The following DISP1 variants were observed in gnomAD, a reference collection of about 807,000 sequenced individuals.
DISP1 encodes protein dispatched homolog 1.
DISP1 carries 30 observed loss-of-function variants against 37.3 expected under a neutral mutation model. The observed-to-expected ratio is 0.80, with a 90% CI of 0.60 to 1.09. The LOEUF (loss-of-function observed/expected upper bound fraction) is 1.09. Among genes scored for constraint, DISP1 ranks in the 50% least tolerant of loss-of-function variants. DISP1 has a pLI of 0.00. For synonymous variants in DISP1, 634 were observed against 690.2 expected, an observed-to-expected ratio of 0.92 and a Z score of 1.28; for missense variants, 1,598 against 1,879.5, an observed-to-expected ratio of 0.85 and a Z score of 2.77.
chr1:222,858,552 A>T (rs1397663905), intron 1 of DISP1, among the ~76,000 whole-genome samples: 1 of 152,168 alleles, frequency 6.6e-6, no homozygotes, highest in African/African-American at 2.4e-5. Context: ...CAACCTGTAG[A>T]ATGGGAAAAA....
chr1:222,884,203 T>C, intron 1 of DISP1, among the ~76,000 whole-genome samples: 1 of 152,156 alleles, frequency 6.6e-6, no homozygotes, highest in East Asian at 1.9e-4. Flanking sequence ...TATTTTGAAA[T>C]AATTTTAAAC....
intron 1 of DISP1, among the ~76,000 whole-genome samples, chr1:222,874,635 T>C (rs1669843517): frequency 1.3e-5 from 2 of 152,200 alleles, no homozygotes; most frequent in African/African-American, 2.4e-5. Flanking sequence ...CTTCTCTGCA[T>C]TGGTTATTCT....
intron 4 of DISP1, among the ~76,000 whole-genome samples, chr1:222,984,411 A>AT (rs1372786064): frequency 3.9e-5 from 2 of 51,230 alleles, no homozygotes; most frequent in East Asian, 8.4e-4. Context: ...CTCAAAAAAA[A>AT]AAAAAAAAAA....
At chr1:222,948,753 C>T (rs563606355) in intron 3 of DISP1, among the ~76,000 whole-genome samples, 6 of 152,176 alleles carry the variant, frequency 3.9e-5, no homozygotes, top group Non-Finnish European at 4.4e-5. Context: ...AAACATTGAC[C>T]GCCTTAGAGT....
intron 1 of DISP1, among the ~76,000 whole-genome samples, chr1:222,855,530 G>A (rs1668500203): frequency 6.6e-6 from 1 of 152,094 alleles, no homozygotes; most frequent in African/African-American, 2.4e-5. Context: ...CATGGAAATC[G>A]TTATTATATA....
intron 1 of DISP1, among the ~76,000 whole-genome samples, chr1:222,862,525 GTTT>G (rs33987832): frequency 1.6e-4 from 21 of 129,218 alleles, no homozygotes; most frequent in South Asian, 2.5e-4. Context: ...TGTCTCAATA[GTTT>G]TTTTTTTTTT....
At chr1:222,968,495 T>C (rs568450839) in intron 3 of DISP1, among the ~76,000 whole-genome samples, 3 of 152,150 alleles carry the variant, frequency 2.0e-5, no homozygotes, top group African/African-American at 4.8e-5. Flanking sequence ...CTATAGCCCA[T>C]ACCAAGATGA....
chr1:222,989,999 T>C (rs1678576734), intron 4 of DISP1, among the ~76,000 whole-genome samples: 1 of 152,128 alleles, frequency 6.6e-6, no homozygotes, highest in African/African-American at 2.4e-5. Context: ...AGACAGGGTT[T>C]CACCGTGTTA....
At chr1:222,826,437 G>A (rs1180843877) in intron 1 of DISP1, among the ~76,000 whole-genome samples, 1 of 141,012 alleles carries the variant, frequency 7.1e-6, no homozygotes, top group Non-Finnish European at 1.5e-5. Context: ...CTGGAGTGCA[G>A]TGGCATGATT....
rs542611624 is a variant in DISP1, at chr1:222,888,974, T to C, written c.-158-39456T>C. 2.5e-4 allele frequency among the ~76,000 whole-genome samples: 38 copies of C among 152,120 alleles called. 1 individual carries two copies. Among genetic ancestry groups the C allele is most frequent in the African/African-American group, 9.2e-4 (38 of 41,444 alleles). On this transcript the variant is annotated intron_variant, in intron 1 of 8. Coordinates refer to ENST00000675850, the MANE Select transcript of DISP1 (RefSeq NM_001377229.1). ...CATAGTGATGTTTCTATACATATAATGTATAGTGATCAATCTGATTACTTG... is the reference window on the plus strand; with the variant it reads ...CATAGTGATGTTTCTATACATATAACGTATAGTGATCAATCTGATTACTTG...
intron 3 of DISP1, chr1:222,979,687 A>G (rs1166447770): frequency 4.2e-6 from 2 of 470,778 alleles, no homozygotes; most frequent in South Asian, 3.1e-5. Flanking sequence ...CTGAAAGCCC[A>G]GTCTGTGTAA....
At chr1:222,974,871 T>C (rs1009713295) in intron 3 of DISP1, among the ~76,000 whole-genome samples, 1 of 152,234 alleles carries the variant, frequency 6.6e-6, no homozygotes, top group African/African-American at 2.4e-5. Flanking sequence ...TTTTAAAGAA[T>C]GCTCATCAAA....
chr1:222,900,236 C>T (rs910354446), intron 1 of DISP1, among the ~76,000 whole-genome samples: 5 of 152,140 alleles, frequency 3.3e-5, no homozygotes, highest in Admixed American at 2.6e-4. Flanking sequence ...CTATCACTTT[C>T]TCATTGTATG....
chr1:222,877,862 GCAGGATGGTCCAACCCAAGAGAA>G (rs1670051591), intron 1 of DISP1, among the ~76,000 whole-genome samples: 1 of 152,174 alleles, frequency 6.6e-6, no homozygotes, highest in South Asian at 2.1e-4. Flanking sequence ...AGAAGGGAGG[GCAGGATGGTCCAACCCAAGAGAA>G]CAGCCCTGAT....
intron 1 of DISP1, among the ~76,000 whole-genome samples, chr1:222,898,902 G>A (rs931994558): frequency 6.6e-6 from 1 of 151,978 alleles, no homozygotes; most frequent in African/African-American, 2.4e-5. Flanking sequence ...ATATACTTGG[G>A]CCCTAATCTG....
chr1:222,916,969 A>G (rs1672525369), intron 1 of DISP1, among the ~76,000 whole-genome samples: 1 of 152,192 alleles, frequency 6.6e-6, no homozygotes, highest in Non-Finnish European at 1.5e-5. Flanking sequence ...TGCCGCCCAG[A>G]AGGAATGCTG....
At chr1:222,917,964 C>A (rs546915779) in intron 1 of DISP1, among the ~76,000 whole-genome samples, 36 of 152,150 alleles carry the variant, frequency 2.4e-4, no homozygotes, top group Non-Finnish European at 5.9e-5. Context: ...GCTGTCAGAC[C>A]TCTGGGCAGA....
intron 1 of DISP1, among the ~76,000 whole-genome samples, chr1:222,876,007 G>A (rs1235908047): frequency 6.6e-6 from 1 of 151,812 alleles, no homozygotes; most frequent in Non-Finnish European, 1.5e-5. Context: ...AAACAGCCAG[G>A]GAAATTCTGA....
In DISP1 at chr1:223,005,177, CGT is replaced by C; in HGVS notation, c.3785_3786del (p.Cys1262SerfsTer10). 1 of 1,614,162 alleles carries C rather than the reference CGT, an allele frequency of 6.2e-7. No individual in the cohort carries two copies. The highest frequency in any genetic ancestry group is 8.5e-7 in the Non-Finnish European group (1 of 1,180,024). On this transcript the variant is annotated frameshift_variant, in exon 9 of 9. Transcript: ENST00000675850. LOFTEE classifies it low-confidence loss of function (END_TRUNC). ...LLQPPLEQHT[V>X]CHFFSLNQRC... ...TACAGCCCCCTCTTGAACAGCATAC[CGT>C]GTGTCACTTCTTCTCTCTGAATCAG...
Sources: gnomAD v4.1 joint callset for allele counts (sites outside exome capture counted in the v4.1 genomes callset) on GRCh38, gnomAD v4.1.1 for gene constraint, MANE v1.5 for transcripts, NCBI Gene and HGNC (gene_info 2026-07-23, HGNC 2026-07-21) for gene names.